KCNH8: variants seen among roughly 807,000 people sequenced by gnomAD.
KCNH8 encodes potassium voltage-gated channel subfamily H member 8.
Under a neutral mutation model 103.6 loss-of-function variants are expected in KCNH8, and 70 were observed. That is an observed-to-expected ratio of 0.68 (90% CI 0.56 to 0.82). KCNH8 has a LOEUF of 0.82. Among genes scored for constraint, KCNH8 ranks in the 40% least tolerant of loss-of-function variants. KCNH8 has a pLI of 0.00. For synonymous variants in KCNH8, 498 were observed against 489.4 expected (o/e 1.02, Z -0.23); for missense variants, 1,217 against 1,329.9 (o/e 0.92, Z 1.32).
chr3:19,327,036 C>CT (rs1019593656), intron 3 of KCNH8, among the ~76,000 whole-genome samples: 1 of 152,116 alleles, frequency 6.6e-6, no homozygotes, highest in Non-Finnish European at 1.5e-5. Context: ...AGTTCTCTCT[C>CT]TCTGTCTTGC....
At chr3:19,296,207 A>G (rs2064995275) in intron 3 of KCNH8, among the ~76,000 whole-genome samples, 1 of 152,224 alleles carries the variant, frequency 6.6e-6, no homozygotes. Context: ...ATTATATAGC[A>G]TTTAAATTTT....
At chr3:19,440,199 T>TA (rs1361702232) in intron 8 of KCNH8, among the ~76,000 whole-genome samples, 2 of 152,128 alleles carry the variant, frequency 1.3e-5, no homozygotes, top group Non-Finnish European at 2.9e-5. Context: ...CATAATTTTT[T>TA]AAAAAAATTT....
chr3:19,403,133 T>C (rs1012661118), intron 7 of KCNH8, among the ~76,000 whole-genome samples: 1 of 151,740 alleles, frequency 6.6e-6, no homozygotes, highest in African/African-American at 2.4e-5. Context: ...TAAGCATTTA[T>C]AAATATCACA....
intron 3 of KCNH8, among the ~76,000 whole-genome samples, chr3:19,298,921 CAAAAAAAAAAAAA>C (rs56304109): frequency 3.9e-5 from 3 of 77,078 alleles, no homozygotes; most frequent in African/African-American, 1.6e-4. Context: ...GACTCCGTCT[CAAAAAAAAAAAAA>C]AAAAAAAAAG....
At chr3:19,437,966 T>C (rs937144742) in intron 7 of KCNH8, among the ~76,000 whole-genome samples, 198 bp from the exon 8 acceptor site, 1 of 152,194 alleles carries the variant, frequency 6.6e-6, no homozygotes, top group African/African-American at 2.4e-5. Flanking sequence ...GTGTGTATTA[T>C]AGAGAACAGC....
intron 2 of KCNH8, among the ~76,000 whole-genome samples, chr3:19,267,999 A>G (rs1296581774): frequency 6.6e-6 from 1 of 152,152 alleles, no homozygotes; most frequent in Non-Finnish European, 1.5e-5. Flanking sequence ...CTTGTAACCA[A>G]TAGTATTACT....
At chr3:19,226,562 C>G (rs546102036) in intron 1 of KCNH8, among the ~76,000 whole-genome samples, 2 of 151,912 alleles carry the variant, frequency 1.3e-5, no homozygotes, top group East Asian at 3.9e-4. Flanking sequence ...ATCTCTCTCT[C>G]TCTCTCTGTT....
At chr3:19,528,875 A>C (rs2069110456) in intron 15 of KCNH8, among the ~76,000 whole-genome samples, 1 of 152,154 alleles carries the variant, frequency 6.6e-6, no homozygotes, top group South Asian at 2.1e-4. Context: ...AAGGAACTCA[A>C]CGACTAGTTG....
chr3:19,178,928 T>C (rs929101231), intron 1 of KCNH8, among the ~76,000 whole-genome samples: 2 of 152,134 alleles, frequency 1.3e-5, no homozygotes, highest in Admixed American at 1.3e-4. Flanking sequence ...TTAGGTAAGA[T>C]GCGACACTAA....
chr3:19,500,351 C>T (rs1040703416), intron 11 of KCNH8, among the ~76,000 whole-genome samples: 1 of 152,036 alleles, frequency 6.6e-6, no homozygotes, highest in Non-Finnish European at 1.5e-5. Context: ...ACTTTAACAC[C>T]CCACTGTCAA....
chr3:19,281,441 T>G, intron 3 of KCNH8, 112 bp downstream of exon 3: 1 of 935,880 alleles, frequency 1.1e-6, no homozygotes, highest in Non-Finnish European at 1.6e-6. Context: ...TGATAAATAT[T>G]CGTAACTGTT....
intron 7 of KCNH8, among the ~76,000 whole-genome samples, chr3:19,418,991 T>G (rs2066903636): frequency 6.6e-6 from 1 of 152,122 alleles, no homozygotes; most frequent in South Asian, 2.1e-4. Context: ...ATTCCCCATA[T>G]GAGATGTTAA....
intron 7 of KCNH8, among the ~76,000 whole-genome samples, chr3:19,430,133 T>C (rs1015515783): frequency 1.3e-5 from 2 of 152,224 alleles, no homozygotes; most frequent in Non-Finnish European, 2.9e-5. Flanking sequence ...CCATCTTGAG[T>C]TCACTTTGTA....
intron 1 of KCNH8, among the ~76,000 whole-genome samples, chr3:19,225,360 G>A (rs2063918758): frequency 6.6e-6 from 1 of 152,038 alleles, no homozygotes; most frequent in Non-Finnish European, 1.5e-5. Flanking sequence ...AATATCAGTA[G>A]CTTAGAGGGA....
At chr3:19,186,770 C>A (rs1190028350) in intron 1 of KCNH8, among the ~76,000 whole-genome samples, 1 of 151,982 alleles carries the variant, frequency 6.6e-6, no homozygotes, top group Non-Finnish European at 1.5e-5. Flanking sequence ...GTTGAAATCA[C>A]TGTACAAAAG....
chr3:19,501,558 C>T (rs1197438143), intron 11 of KCNH8, among the ~76,000 whole-genome samples: 5 of 152,294 alleles, frequency 3.3e-5, no homozygotes, highest in South Asian at 2.1e-4. Flanking sequence ...TCCAGCAGCA[C>T]ATCAAAAACG....
chr3:19,393,009 A>G (rs970704688), intron 6 of KCNH8, among the ~76,000 whole-genome samples: 1 of 152,022 alleles, frequency 6.6e-6, no homozygotes, highest in African/African-American at 2.4e-5. Context: ...ACCTCACAAC[A>G]TATTAGTTAG....
At chr3:19,258,942 TC>T in intron 2 of KCNH8, among the ~76,000 whole-genome samples, 1 of 79,192 alleles carries the variant, frequency 1.3e-5, no homozygotes, top group African/African-American at 5.3e-5. Context: ...TCTCTCTCTC[TC>T]TCTCTATATA....
intron 11 of KCNH8, among the ~76,000 whole-genome samples, chr3:19,470,362 T>C (rs1007287245): frequency 1.3e-5 from 2 of 152,244 alleles, no homozygotes; most frequent in African/African-American, 2.4e-5. Flanking sequence ...TACTTTTCCT[T>C]TTCTCTGCAT....
Sources: allele counts gnomAD v4.1 joint callset (sites outside exome capture counted in the v4.1 genomes callset), GRCh38; gene constraint gnomAD v4.1.1; transcripts MANE v1.5; gene names NCBI Gene and HGNC (gene_info 2026-07-23, HGNC 2026-07-21).